The following CSRNP3 variants were observed in gnomAD, a reference collection of about 807,000 sequenced individuals.
CSRNP3 encodes the protein cysteine/serine-rich nuclear protein 3.
A neutral mutation model predicts 48.0 loss-of-function variants in CSRNP3; 12 were observed. That is an observed-to-expected ratio of 0.25 (90% confidence interval 0.16 to 0.41). The LOEUF (loss-of-function observed/expected upper bound fraction) is 0.41, where lower values mean the gene tolerates loss of function less well. CSRNP3 is among the 10% of genes least tolerant of loss of function. The pLI is 1.00. For missense variants in CSRNP3, 580 were observed against 724.4 expected, an observed-to-expected ratio of 0.80 and a Z score of 2.29; for synonymous variants, 263 against 269.7, an observed-to-expected ratio of 0.98 and a Z score of 0.24.
intron 2 of CSRNP3, among the ~76,000 whole-genome samples, chr2:165,507,759 T>TATAA (rs1176678108): frequency 3.3e-5 from 5 of 152,184 alleles, no homozygotes; most frequent in African/African-American, 1.2e-4. Context: ...CTTAAACATG[T>TATAA]ATAAATACTT....
At chr2:165,507,842 C>T (rs1050583854) in intron 2 of CSRNP3, among the ~76,000 whole-genome samples, 16 of 152,082 alleles carry the variant, frequency 1.1e-4, no homozygotes, top group South Asian at 4.1e-4. Flanking sequence ...AGAAAAGATA[C>T]GGACATATTA....
rs1357793936 is a variant in CSRNP3, at chr2:165,685,797, A to AC, written c.*6044_*6045insC. On this transcript the variant is annotated 3_prime_UTR_variant, in exon 7 of 7. Transcript: ENST00000651982. ...CTGGCAGGACTAAAGTTTCAAAGGA[A>AC]TGTGATAGAATTTATTTTGGATAAC... The AC allele has an allele frequency of 6.6e-6, 1 of 152,110 alleles. No individual in the cohort carries two copies. Among genetic ancestry groups the AC allele is most frequent in the Non-Finnish European group, 1.5e-5 (1 of 67,986 alleles). The allele number at this position is 152,110 out of a possible 1,614,324, so 9.4% of individuals were successfully genotyped here.
At chr2:165,484,679 T>C (rs569417643) in intron 1 of CSRNP3, among the ~76,000 whole-genome samples, 4 of 152,196 alleles carry the variant, frequency 2.6e-5, no homozygotes, top group Non-Finnish European at 5.9e-5. Flanking sequence ...AATAACTGTC[T>C]TTTCCCGTAG....
intron 1 of CSRNP3, among the ~76,000 whole-genome samples, chr2:165,479,277 AATTCTAAGT>A (rs1684008837): frequency 6.6e-6 from 1 of 152,190 alleles, no homozygotes; most frequent in Admixed American, 6.5e-5. Flanking sequence ...GAAAAAATGT[AATTCTAAGT>A]ATTCAAAAAC....
intron 3 of CSRNP3, among the ~76,000 whole-genome samples, chr2:165,531,191 T>C (rs561121164): frequency 6.6e-6 from 1 of 152,302 alleles, no homozygotes; most frequent in Admixed American, 6.5e-5. Flanking sequence ...AATATTTATT[T>C]GACAGTAATT....
intron 4 of CSRNP3, among the ~76,000 whole-genome samples, chr2:165,608,892 C>T (rs1280609017): frequency 7.3e-6 from 1 of 137,360 alleles, no homozygotes; most frequent in African/African-American, 2.7e-5. Context: ...AGATCCAGAC[C>T]ATCCTGGCTA....
intron 3 of CSRNP3, among the ~76,000 whole-genome samples, chr2:165,525,444 A>G (rs549297820): frequency 6.8e-6 from 1 of 147,170 alleles, no homozygotes; most frequent in Non-Finnish European, 1.5e-5. Context: ...TCTTCTGTGG[A>G]TTATGATTTT....
chr2:165,623,516 T>G (rs1686378354), intron 4 of CSRNP3, among the ~76,000 whole-genome samples: 1 of 152,192 alleles, frequency 6.6e-6, no homozygotes, highest in Non-Finnish European at 1.5e-5. Context: ...TGGGGACCAC[T>G]GATATAAAAT....
At chr2:165,537,864 T>C (rs1684901737) in intron 3 of CSRNP3, among the ~76,000 whole-genome samples, 1 of 151,956 alleles carries the variant, frequency 6.6e-6, no homozygotes. Flanking sequence ...TCCATTTTCT[T>C]TTTGATTTGT....
At chr2:165,662,022 A>G (rs1687105530) in intron 5 of CSRNP3, among the ~76,000 whole-genome samples, 2 of 152,140 alleles carry the variant, frequency 1.3e-5, no homozygotes, top group East Asian at 1.9e-4. Context: ...ACACATTTAT[A>G]TAATGGCACC....
intron 2 of CSRNP3, among the ~76,000 whole-genome samples, chr2:165,495,246 G>T: frequency 6.6e-6 from 1 of 151,992 alleles, no homozygotes; most frequent in East Asian, 1.9e-4. Context: ...AAGCCATTTT[G>T]AACGTCTATA....
chr2:165,501,852 G>A (rs1684363627), intron 2 of CSRNP3, among the ~76,000 whole-genome samples: 2 of 152,148 alleles, frequency 1.3e-5, no homozygotes, highest in African/African-American at 4.8e-5. Flanking sequence ...CATATCAGAT[G>A]TTCATGAAGA....
At chr2:165,591,780 C>T (rs1050639453) in intron 3 of CSRNP3, among the ~76,000 whole-genome samples, 15 of 152,272 alleles carry the variant, frequency 9.9e-5, no homozygotes, top group African/African-American at 2.6e-4. Context: ...GCCTAGGGTT[C>T]GCAGGATGTA....
intron 3 of CSRNP3, among the ~76,000 whole-genome samples, chr2:165,590,703 C>T (rs1685702380): frequency 6.6e-6 from 1 of 152,178 alleles, no homozygotes; most frequent in Non-Finnish European, 1.5e-5. Flanking sequence ...TTTTCCCCCT[C>T]TATTCGGCAC....
At chr2:165,643,283 A>G (rs1447546216) in intron 4 of CSRNP3, among the ~76,000 whole-genome samples, 1 of 152,172 alleles carries the variant, frequency 6.6e-6, no homozygotes, top group East Asian at 1.9e-4. Flanking sequence ...ACCTGTCCTT[A>G]CTTGGACCAT....
chr2:165,526,684 C>T (rs1424791485), intron 3 of CSRNP3, among the ~76,000 whole-genome samples: 1 of 152,176 alleles, frequency 6.6e-6, no homozygotes, highest in African/African-American at 2.4e-5. Context: ...ACTGCTGAAA[C>T]TTTATTGATG....
chr2:165,669,200 CA>C (rs1396714757), intron 5 of CSRNP3, among the ~76,000 whole-genome samples: 2 of 152,200 alleles, frequency 1.3e-5, no homozygotes, highest in African/African-American at 4.8e-5. Flanking sequence ...CTCTCTTTTT[CA>C]CACGTGTGAA....
At chr2:165,493,308 C>T (rs1053514221) in intron 1 of CSRNP3, among the ~76,000 whole-genome samples, 1 of 152,008 alleles carries the variant, frequency 6.6e-6, no homozygotes, top group African/African-American at 2.4e-5. Context: ...TGTCACCTCT[C>T]CTTGGTATCA....
At chr2:165,529,791 T>G (rs1336552374) in intron 3 of CSRNP3, among the ~76,000 whole-genome samples, 1 of 152,214 alleles carries the variant, frequency 6.6e-6, no homozygotes, top group African/African-American at 2.4e-5. Context: ...CACAGGTGAC[T>G]TTGTTGAATT....
Sources: allele counts gnomAD v4.1 joint callset (sites outside exome capture counted in the v4.1 genomes callset), GRCh38; gene constraint gnomAD v4.1.1; transcripts MANE v1.5; gene names NCBI Gene and HGNC (gene_info 2026-07-23, HGNC 2026-07-21).